The following PLXDC2 variants were observed in gnomAD, a reference collection of about 807,000 sequenced individuals.
PLXDC2 encodes plexin domain-containing protein 2.
In PLXDC2, 40 loss-of-function variants were observed where a neutral mutation model predicts 68.9. That is an observed-to-expected ratio of 0.58 (90% CI 0.45 to 0.76). The LOEUF is 0.76. Ranked by LOEUF, PLXDC2 falls within the 30% of genes least tolerant of loss-of-function variation. The probability of loss-of-function intolerance (pLI) is 0.00; values close to 1 mark genes in which losing one functional copy is unlikely to be tolerated. For synonymous variants in PLXDC2, 243 were observed against 234.2 expected (o/e 1.04, Z -0.34); for missense variants, 644 against 661.9 (o/e 0.97, Z 0.30).
intron 7 of PLXDC2, among the ~76,000 whole-genome samples, chr10:20,165,901 C>T (rs1834368094): frequency 6.6e-6 from 1 of 151,996 alleles, no homozygotes; most frequent in African/African-American, 2.4e-5. Context: ...TCCTTCACTC[C>T]AAGAACAGTC....
At position 20,009,008 on chromosome 10, in the gene PLXDC2, C is replaced by T. The variant is rs141216060; in HGVS notation, c.324+7022C>T. ...TTTGTCTTTATTCGCAGCTTGAAAACGGACTAATACAAGAGAGTACATTGG... is the reference window on the plus strand; with the variant it reads ...TTTGTCTTTATTCGCAGCTTGAAAATGGACTAATACAAGAGAGTACATTGG... On this transcript the variant is annotated intron_variant, in intron 2 of 13. Coordinates refer to ENST00000377252, the MANE Select transcript of PLXDC2 (RefSeq NM_032812.9). Among the ~76,000 whole-genome samples the T allele has an allele frequency of 2.5e-4, 38 of 152,252 alleles. 1 individual carries two copies. In the East Asian group the frequency reaches 5.8e-3, roughly 23 times the overall value.
chr10:20,066,019 A>G (rs1421675097), intron 3 of PLXDC2, among the ~76,000 whole-genome samples: 1 of 152,226 alleles, frequency 6.6e-6, no homozygotes, highest in African/African-American at 2.4e-5. Flanking sequence ...ATAGTGACCG[A>G]TGTTTGGAGA....
intron 4 of PLXDC2, among the ~76,000 whole-genome samples, chr10:20,099,039 T>C (rs1024618320): frequency 3.9e-5 from 6 of 152,034 alleles, no homozygotes; most frequent in African/African-American, 1.4e-4. Context: ...GCTTAAACAA[T>C]ACTAACAACT....
At chr10:19,898,487 A>G (rs1838101946) in intron 1 of PLXDC2, among the ~76,000 whole-genome samples, 2 of 152,224 alleles carry the variant, frequency 1.3e-5, no homozygotes, top group African/African-American at 2.4e-5. Flanking sequence ...ATGAACAGTG[A>G]CAACAAAAAT....
chr10:20,036,921 A>C (rs960735912), intron 2 of PLXDC2, among the ~76,000 whole-genome samples: 2 of 152,194 alleles, frequency 1.3e-5, no homozygotes, highest in African/African-American at 2.4e-5. Flanking sequence ...ACCAGTGCTA[A>C]TTGTAACTAG....
chr10:20,221,057 G>A (rs1229241554), intron 12 of PLXDC2, among the ~76,000 whole-genome samples: 1 of 151,894 alleles, frequency 6.6e-6, no homozygotes, highest in African/African-American at 2.4e-5. Flanking sequence ...TGGCCAGGCT[G>A]GTCTTGAACT....
chr10:19,854,917 C>T (rs946639543), intron 1 of PLXDC2, among the ~76,000 whole-genome samples: 1 of 152,200 alleles, frequency 6.6e-6, no homozygotes, highest in African/African-American at 2.4e-5. Context: ...AACATGTGTA[C>T]AGTTGTTAGA....
intron 2 of PLXDC2, among the ~76,000 whole-genome samples, chr10:20,020,849 G>A (rs1589590531): frequency 1.3e-5 from 2 of 152,146 alleles, no homozygotes; most frequent in South Asian, 4.1e-4. Flanking sequence ...ATGAGGTATT[G>A]CATAAGATAA....
intron 4 of PLXDC2, among the ~76,000 whole-genome samples, chr10:20,094,608 A>G (rs1833324268): frequency 6.6e-6 from 1 of 152,022 alleles, no homozygotes; most frequent in South Asian, 2.1e-4. Flanking sequence ...ATAGAAAGTT[A>G]TAGAGGCTGT....
chr10:19,849,310 G>C (rs1237767266), intron 1 of PLXDC2, among the ~76,000 whole-genome samples: 1 of 92,616 alleles, frequency 1.1e-5, no homozygotes, highest in East Asian at 2.4e-4. Context: ...ATTCTGTCTC[G>C]CTCTCTCTCT....
intron 13 of PLXDC2, among the ~76,000 whole-genome samples, chr10:20,259,687 G>T (rs1835785586): frequency 6.6e-6 from 1 of 152,230 alleles, no homozygotes; most frequent in Non-Finnish European, 1.5e-5. Context: ...AATACTCATT[G>T]CCTGGAAAAT....
chr10:20,281,355 C>A lies in PLXDC2; in HGVS notation c.*1536C>A, dbSNP rs1343788871. On this transcript the variant is annotated 3_prime_UTR_variant, in exon 14 of 14. Coordinates refer to ENST00000377252, the MANE Select transcript of PLXDC2 (RefSeq NM_032812.9). The stretch of plus-strand genomic sequence containing the variant: ...CTGAGTGTACAATTTCACCAACATT[C>A]TAACCCATGAAACTTTTACACTCTG... The A allele has an allele frequency of 6.6e-6, 1 of 152,144 alleles. No individual in the cohort carries two copies. Among genetic ancestry groups the A allele is most frequent in the Non-Finnish European group, 1.5e-5 (1 of 68,014 alleles). 9.4% of individuals were successfully genotyped at this position (152,144 alleles called of 1,614,324 possible).
Position 20,280,126 on chromosome 10 carries a change from G to C in PLXDC2, c.*307G>C, listed in dbSNP as rs758837682. On this transcript the variant is annotated 3_prime_UTR_variant, in exon 14 of 14. Transcript: ENST00000377252. ...ACAAGATTATAATGCTTTTGGCTTA[G>C]GTGCAGGGTTGCAAAGGGATCAGAA... is the stretch of plus-strand genomic sequence containing the variant. 3.9e-6 allele frequency: 1 copy of C among 253,586 alleles called. No individual in the cohort carries two copies. Among genetic ancestry groups the C allele is most frequent in the East Asian group, 7.6e-5 (1 of 13,114 alleles). 15.7% of individuals were successfully genotyped at this position (253,586 alleles called of 1,614,324 possible).
At chr10:20,176,398 G>GTGTGTA (rs1554772523) in intron 7 of PLXDC2, among the ~76,000 whole-genome samples, 1 of 151,660 alleles carries the variant, frequency 6.6e-6, no homozygotes, top group Non-Finnish European at 1.5e-5. Flanking sequence ...TTATGTGTGT[G>GTGTGTA]TGTGTGTGTG....
At chr10:20,140,443 G>GTATCTA (rs1833990256) in intron 4 of PLXDC2, among the ~76,000 whole-genome samples, 1 of 150,210 alleles carries the variant, frequency 6.7e-6, no homozygotes, top group African/African-American at 2.4e-5. Flanking sequence ...CTATCTATCC[G>GTATCTA]TCTAATCTTT....
At chr10:20,222,468 T>G (rs185896023) in intron 12 of PLXDC2, among the ~76,000 whole-genome samples, 1 of 152,334 alleles carries the variant, frequency 6.6e-6, no homozygotes, top group Non-Finnish European at 1.5e-5. Context: ...CTGATACATT[T>G]ATATTAGGTC....
chr10:20,062,547 A>G (rs527248508), intron 3 of PLXDC2, among the ~76,000 whole-genome samples: 158 of 152,346 alleles, frequency 1.0e-3, no homozygotes, highest in African/African-American at 3.7e-3. Context: ...CTCCAAAACC[A>G]TGCTAAAGCA....
chr10:20,286,767 C>T lies in PLXDC2; in HGVS notation c.*6948C>T, dbSNP rs1005334818. 9 of 152,218 alleles carry T rather than the reference C, an allele frequency of 5.9e-5. No individual in the cohort carries two copies. The highest frequency in any genetic ancestry group is 2.2e-4 in the African/African-American group (9 of 41,444). The allele number at this position is 152,218 out of a possible 1,614,324, so 9.4% of individuals were successfully genotyped here. On this transcript the variant is annotated 3_prime_UTR_variant, in exon 14 of 14. Coordinates refer to ENST00000377252, the MANE Select transcript of PLXDC2 (RefSeq NM_032812.9). ...GAGATGGGGTTTTGCTCTTGTTACC[C>T]AGGCTGGAGTGCAATGGCGTGATCT...
At chr10:20,234,663 C>CTTTTTTTTTTTTTTTTTTTTCTTTTT (rs58791520) in intron 12 of PLXDC2, among the ~76,000 whole-genome samples, 2 of 125,422 alleles carry the variant, frequency 1.6e-5, no homozygotes, top group African/African-American at 3.0e-5. Context: ...GGGTTTCTTT[C>CTTTTTTTTTTTTTTTTTTTTCTTTTT]TTTTTTTTTT....
Sources: gnomAD v4.1 joint callset for allele counts (sites outside exome capture counted in the v4.1 genomes callset) on GRCh38, gnomAD v4.1.1 for gene constraint, MANE v1.5 for transcripts, NCBI Gene and HGNC (gene_info 2026-07-23, HGNC 2026-07-21) for gene names.